The following SPIDR variants were observed in gnomAD, a reference collection of about 807,000 sequenced individuals.
The protein encoded by SPIDR is scaffold protein involved in DNA repair, also known as DNA repair-scaffolding protein.
SPIDR carries 93 observed loss-of-function variants against 104.6 expected under a neutral mutation model. That is an observed-to-expected ratio of 0.89 (90% CI 0.75 to 1.06). The LOEUF (loss-of-function observed/expected upper bound fraction) is 1.06. Among genes scored for constraint, SPIDR ranks in the 50% least tolerant of loss-of-function variants. SPIDR has a pLI of 0.00. For missense variants in SPIDR, 1,154 were observed against 1,111.2 expected (o/e 1.04, Z -0.55); for synonymous variants, 431 against 416.9 (o/e 1.03, Z -0.41).
rs1554825470 is a variant in SPIDR at position 47,599,119 on chromosome 8, G to A, written c.1467G>A (p.Val489=). The part of the protein sequence containing the change: ...GAGVRVVVQR[V]YSLPSRDSTR... ...GAGTCCGAGTGGTGGTGCAAAGAGT[G>A]TATTCTCTTCCCAGCAGAGACAGCA... Residue 489 remains valine, a synonymous_variant, in exon 10 of 20, where the codon GTG becomes GTA. Coordinates refer to ENST00000297423, the MANE Select transcript of SPIDR (RefSeq NM_001080394.4). 1.9e-6 allele frequency: 3 copies of A among 1,613,196 alleles called. No individual in the cohort carries two copies. The highest frequency in any genetic ancestry group is 1.3e-5 in the African/African-American group (1 of 75,018).
chr8:47,344,142 C>T (rs558242656), intron 5 of SPIDR, among the ~76,000 whole-genome samples: 38 of 144,936 alleles, frequency 2.6e-4, no homozygotes, highest in Admixed American at 1.5e-3. Flanking sequence ...CGACAAGTCC[C>T]GGTGTGTGAT....
intron 16 of SPIDR, among the ~76,000 whole-genome samples, chr8:47,716,895 C>G (rs2082660786): frequency 6.6e-6 from 1 of 152,150 alleles, no homozygotes; most frequent in African/African-American, 2.4e-5. Context: ...GCTCTGCTTT[C>G]CCTGGCCATG....
intron 14 of SPIDR, among the ~76,000 whole-genome samples, chr8:47,704,822 G>A (rs892401632): frequency 6.6e-6 from 1 of 152,174 alleles, no homozygotes; most frequent in East Asian, 1.9e-4. Context: ...TCAGGAGATA[G>A]GAGGATAGGG....
chr8:47,488,769 G>A (rs1287705633), intron 8 of SPIDR, among the ~76,000 whole-genome samples: 1 of 152,150 alleles, frequency 6.6e-6, no homozygotes, highest in Non-Finnish European at 1.5e-5. Flanking sequence ...TATCTTAATA[G>A]ATGCAGAAAA....
chr8:47,630,300 A>G (rs1272846143), intron 10 of SPIDR, among the ~76,000 whole-genome samples: 1 of 152,240 alleles, frequency 6.6e-6, no homozygotes, highest in African/African-American at 2.4e-5. Context: ...TGAAAGCAAT[A>G]TTTAATGTAA....
intron 4 of SPIDR, 52 bp from the exon 5 acceptor site, chr8:47,293,815 A>G (rs1459560428): frequency 1.3e-6 from 2 of 1,517,792 alleles, no homozygotes; most frequent in African/African-American, 1.4e-5. Context: ...AAGAGATATA[A>G]AAGTGAAAGA....
Position 47,685,655 on chromosome 8 carries a change from A to G in SPIDR, c.1685+11714A>G, listed in dbSNP as rs186711561. Among the ~76,000 whole-genome samples the G allele has an allele frequency of 1.6e-4, 25 of 151,574 alleles. No homozygotes were observed. In the East Asian group the frequency reaches 3.3e-3, roughly 20 times the overall value. ...CTGCAACCTCCACCTCCCAGGTTCA[A>G]GCGATTCTCCTGTCTCAACCTCCCG... is the stretch of plus-strand genomic sequence containing the variant. On this transcript the variant is annotated intron_variant, in intron 11 of 19. Coordinates refer to ENST00000297423, the MANE Select transcript of SPIDR (RefSeq NM_001080394.4).
chr8:47,595,960 A>G lies in SPIDR; in HGVS notation c.1247A>G (p.Gln416Arg), dbSNP rs753028132. The G allele has an allele frequency of 2.5e-6, 4 of 1,613,826 alleles. No individual in the cohort carries two copies. The East Asian group carries it at 8.9e-5, about 36-fold the overall frequency. ...PLPRRSISLAQMFVIKGLTNN... is the reference protein window; with the variant it reads ...PLPRRSISLARMFVIKGLTNN... ...CCAAGAAGAAGCATCTCTTTGGCCC[A>G]GATGTTTGTAATTAAGGGTCTAACA... The change falls in exon 9 of 20, where the codon CAG becomes CGG. Residue 416 changes from glutamine to arginine, a missense_variant. By Grantham distance (43) the Gln-to-Arg change is conservative. Transcript: ENST00000297423.
intron 5 of SPIDR, among the ~76,000 whole-genome samples, chr8:47,374,300 T>A (rs1275849922): frequency 6.6e-6 from 1 of 152,122 alleles, no homozygotes; most frequent in Non-Finnish European, 1.5e-5. Flanking sequence ...GATAGAAGGA[T>A]CACTTGAGCC....
intron 5 of SPIDR, among the ~76,000 whole-genome samples, chr8:47,311,747 T>A (rs587627942): frequency 6.6e-6 from 1 of 152,230 alleles, no homozygotes; most frequent in East Asian, 1.9e-4. Flanking sequence ...ACTTTAAGTT[T>A]TAGGGTACAT....
intron 10 of SPIDR, among the ~76,000 whole-genome samples, chr8:47,649,211 C>T (rs915591560): frequency 4.6e-5 from 7 of 151,956 alleles, no homozygotes; most frequent in Non-Finnish European, 8.8e-5. Context: ...CCTGTGAATA[C>T]CCACTATACT....
chr8:47,703,484 A>C (rs1238776816), intron 14 of SPIDR, among the ~76,000 whole-genome samples: 1 of 152,180 alleles, frequency 6.6e-6, no homozygotes, highest in African/African-American at 2.4e-5. Flanking sequence ...GATAGTCAAT[A>C]TTTTAGGCTT....
At chr8:47,396,658 A>C (rs1554658826) in intron 6 of SPIDR, 32 bp downstream of exon 6, 1 of 1,550,866 alleles carries the variant, frequency 6.4e-7, no homozygotes, top group Non-Finnish European at 8.7e-7. Context: ...TACTCTTTTT[A>C]AATTTTTCTC....
At chr8:47,445,802 A>G (rs1426868828) in intron 8 of SPIDR, among the ~76,000 whole-genome samples, 1 of 152,254 alleles carries the variant, frequency 6.6e-6, no homozygotes, top group Non-Finnish European at 1.5e-5. Flanking sequence ...TTGTCTGGAT[A>G]GGAGCTCAAA....
At chr8:47,601,914 T>C (rs1179815347) in intron 10 of SPIDR, among the ~76,000 whole-genome samples, 1 of 152,210 alleles carries the variant, frequency 6.6e-6, no homozygotes, top group Non-Finnish European at 1.5e-5. Context: ...GATCTGATCA[T>C]TAATATTTTC....
At chr8:47,316,791 A>G (rs1256121219) in intron 5 of SPIDR, among the ~76,000 whole-genome samples, 1 of 152,204 alleles carries the variant, frequency 6.6e-6, no homozygotes, top group Non-Finnish European at 1.5e-5. Flanking sequence ...CTATATGTAT[A>G]TGTTAAAACT....
chr8:47,493,046 T>A (rs796761777), intron 8 of SPIDR, among the ~76,000 whole-genome samples: 12 of 125,182 alleles, frequency 9.6e-5, no homozygotes, highest in African/African-American at 5.7e-4. Flanking sequence ...AGAGTGAGTG[T>A]GTGTGTGTGT....
At chr8:47,321,466 C>G (rs1197030753) in intron 5 of SPIDR, among the ~76,000 whole-genome samples, 1 of 152,180 alleles carries the variant, frequency 6.6e-6, no homozygotes, top group Non-Finnish European at 1.5e-5. Context: ...AACAGAAGAA[C>G]ATTCCATGCT....
intron 5 of SPIDR, among the ~76,000 whole-genome samples, chr8:47,394,445 G>A (rs1563834681): frequency 6.6e-6 from 1 of 152,184 alleles, no homozygotes; most frequent in African/African-American, 2.4e-5. Flanking sequence ...TTCTAGGATA[G>A]TGGTTCTCAA....
Sources: gnomAD v4.1 joint callset for allele counts (sites outside exome capture counted in the v4.1 genomes callset) on GRCh38, gnomAD v4.1.1 for gene constraint, MANE v1.5 for transcripts, NCBI Gene and HGNC (gene_info 2026-07-23, HGNC 2026-07-21) for gene names.